Variants in CAMK1D observed in about 807,000 individuals in gnomAD.
CAMK1D encodes the protein calcium/calmodulin-dependent protein kinase type 1D.
In CAMK1D, 9 loss-of-function variants were observed where a neutral mutation model predicts 47.7. The ratio of observed to expected loss-of-function variants is 0.19; its 90% CI spans 0.11 to 0.33. The LOEUF (loss-of-function observed/expected upper bound fraction) is 0.33. Among genes scored for constraint, CAMK1D ranks in the 10% least tolerant of loss-of-function variants. The pLI is 1.00. For synonymous variants in CAMK1D, 184 were observed against 184.9 expected (o/e 0.99, Z 0.04); for missense variants, 291 against 488.7 (o/e 0.60, Z 3.81).
chr10:12,641,975 G>T (rs1216825454), intron 2 of CAMK1D, among the ~76,000 whole-genome samples: 1 of 151,034 alleles, frequency 6.6e-6, no homozygotes, highest in Non-Finnish European at 1.5e-5. Flanking sequence ...AACCCAGGAG[G>T]CAAGGTTGCA....
intron 2 of CAMK1D, among the ~76,000 whole-genome samples, chr10:12,629,802 AAGG>A (rs1839324809): frequency 2.0e-5 from 3 of 152,244 alleles, no homozygotes; most frequent in African/African-American, 4.8e-5. Context: ...CTGGATACAG[AAGG>A]AGGAGAACAT....
chr10:12,412,832 T>A (rs894159603), intron 1 of CAMK1D, among the ~76,000 whole-genome samples: 3 of 152,002 alleles, frequency 2.0e-5, no homozygotes, highest in Admixed American at 2.0e-4. Flanking sequence ...TCCCTCTGCT[T>A]CTCTCAGATG....
chr10:12,828,660 G>GA, intron 10 of CAMK1D, 109 bp from the exon 11 acceptor site: 1 of 631,210 alleles, frequency 1.6e-6, no homozygotes, highest in Non-Finnish European at 2.7e-6. Context: ...AAAAAATTGG[G>GA]CCCCCCCGCC....
intron 1 of CAMK1D, among the ~76,000 whole-genome samples, chr10:12,441,262 A>C (rs1277182931): frequency 1.3e-5 from 2 of 152,046 alleles, no homozygotes; most frequent in Non-Finnish European, 2.9e-5. Flanking sequence ...CAGTGGTGCG[A>C]CCTCGGCTCA....
At chr10:12,531,130 T>C (rs1353005014) in intron 1 of CAMK1D, among the ~76,000 whole-genome samples, 3 of 151,872 alleles carry the variant, frequency 2.0e-5, no homozygotes, top group Non-Finnish European at 4.4e-5. Context: ...GGACCCTACA[T>C]GTGAGGCTTC....
chr10:12,766,073 C>A (rs528629913), intron 4 of CAMK1D, among the ~76,000 whole-genome samples: 1 of 148,522 alleles, frequency 6.7e-6, no homozygotes, highest in Non-Finnish European at 1.5e-5. Context: ...TCAAGTGATT[C>A]TCCTGCCTCA....
At chr10:12,482,651 A>C (rs921507417) in intron 1 of CAMK1D, among the ~76,000 whole-genome samples, 4 of 152,182 alleles carry the variant, frequency 2.6e-5, no homozygotes, top group African/African-American at 9.7e-5. Context: ...TATACGTGAC[A>C]CACACATTTG....
At chr10:12,781,453 G>A (rs940774423) in intron 5 of CAMK1D, among the ~76,000 whole-genome samples, 5 of 152,220 alleles carry the variant, frequency 3.3e-5, no homozygotes, top group African/African-American at 7.2e-5. Flanking sequence ...AAAGCCCAGT[G>A]GCCCCAGCTT....
At chr10:12,389,170 C>T (rs972315069) in intron 1 of CAMK1D, among the ~76,000 whole-genome samples, 5 of 138,746 alleles carry the variant, frequency 3.6e-5, no homozygotes, top group African/African-American at 7.5e-5. Flanking sequence ...TTTAAGTGTT[C>T]TCTATGCTAG....
intron 3 of CAMK1D, among the ~76,000 whole-genome samples, chr10:12,734,419 CATGT>C (rs1251281648): frequency 8.8e-5 from 1 of 11,386 alleles, no homozygotes; most frequent in Non-Finnish European, 3.8e-4. Context: ...CACACACACA[CATGT>C]ATATATATAT....
intron 1 of CAMK1D, among the ~76,000 whole-genome samples, chr10:12,378,904 G>A (rs1838263479): frequency 6.6e-6 from 1 of 151,536 alleles, no homozygotes; most frequent in Admixed American, 6.6e-5. Context: ...TCGCCTCCTG[G>A]GTTCAAGTGA....
At chr10:12,571,991 G>C (rs1474325189) in intron 2 of CAMK1D, among the ~76,000 whole-genome samples, 1 of 151,606 alleles carries the variant, frequency 6.6e-6, no homozygotes, top group East Asian at 1.9e-4. Context: ...TTTGAGAGTA[G>C]TAAATATGTA....
rs779328355 is a variant in CAMK1D, at chr10:12,791,116, A to G, written c.566-42A>G. ...CCAAAAACTGTCTTCAGTCCGAGGCATGTAAATTGTCAGGCTGTGTCTTTT... is the reference window on the plus strand; with the variant it reads ...CCAAAAACTGTCTTCAGTCCGAGGCGTGTAAATTGTCAGGCTGTGTCTTTT... On this transcript the variant is annotated intron_variant, in intron 5 of 10. Transcript: ENST00000619168. 21 of 1,590,314 alleles carry G rather than the reference A, an allele frequency of 1.3e-5. 1 individual carries two copies. Among genetic ancestry groups the G allele is most frequent in the Non-Finnish European group, 1.2e-5 (14 of 1,158,814 alleles).
intron 1 of CAMK1D, among the ~76,000 whole-genome samples, chr10:12,360,929 G>C (rs961179972): frequency 1.3e-5 from 2 of 152,148 alleles, no homozygotes; most frequent in South Asian, 2.1e-4. Context: ...GGACGCCAGG[G>C]CTTCTTTAGG....
chr10:12,490,313 A>G (rs1274402119), intron 1 of CAMK1D, among the ~76,000 whole-genome samples: 3 of 152,132 alleles, frequency 2.0e-5, no homozygotes, highest in Non-Finnish European at 4.4e-5. Context: ...GGCTGCTTGC[A>G]GGGCGCTGGG....
At chr10:12,507,707 G>A (rs1446194255) in intron 1 of CAMK1D, among the ~76,000 whole-genome samples, 2 of 152,256 alleles carry the variant, frequency 1.3e-5, no homozygotes, top group East Asian at 3.9e-4. Flanking sequence ...CACCAGCCCG[G>A]TCCCTCCCCT....
chr10:12,482,815 G>A (rs747546449), intron 1 of CAMK1D, among the ~76,000 whole-genome samples: 2 of 152,178 alleles, frequency 1.3e-5, no homozygotes, highest in Non-Finnish European at 1.5e-5. Context: ...GGGATGTCAC[G>A]ACGGTGCTGG....
chr10:12,598,245 A>G (rs1838200790), intron 2 of CAMK1D, among the ~76,000 whole-genome samples: 1 of 152,348 alleles, frequency 6.6e-6, no homozygotes, highest in South Asian at 2.1e-4. Flanking sequence ...TCTGTTATTC[A>G]TGTGCATCCG....
At chr10:12,430,733 A>G (rs1261041999) in intron 1 of CAMK1D, among the ~76,000 whole-genome samples, 2 of 151,926 alleles carry the variant, frequency 1.3e-5, no homozygotes, top group South Asian at 2.1e-4. Context: ...TGGTGCATAC[A>G]TGTGATGATG....
Sources: gnomAD v4.1 joint callset for allele counts (sites outside exome capture counted in the v4.1 genomes callset) on GRCh38, gnomAD v4.1.1 for gene constraint, MANE v1.5 for transcripts, NCBI Gene and HGNC (gene_info 2026-07-23, HGNC 2026-07-21) for gene names.